The following FGD4 variants were observed in gnomAD, a reference collection of about 807,000 sequenced individuals.
FGD4 encodes FYVE, RhoGEF and PH domain containing 4.
Under a neutral mutation model 102.0 loss-of-function variants are expected in FGD4, and 42 were observed. The ratio of observed to expected loss-of-function variants is 0.41; its 90% CI spans 0.32 to 0.53. The LOEUF is 0.53. Among genes scored for constraint, FGD4 ranks in the 20% least tolerant of loss-of-function variants. The pLI, the probability that FGD4 is intolerant of heterozygous loss-of-function variation, is 0.21. For missense variants in FGD4, 902 were observed against 1,078.2 expected, an observed-to-expected ratio of 0.84 and a Z score of 2.29; for synonymous variants, 380 against 375.7, an observed-to-expected ratio of 1.01 and a Z score of -0.13.
Position 32,645,875 on chromosome 12 carries a change from A to C in FGD4, c.*5342A>C, listed in dbSNP as rs1296312547. The C allele has an allele frequency of 6.6e-6, 1 of 152,152 alleles. No homozygotes were observed. Among genetic ancestry groups the C allele is most frequent in the African/African-American group, 2.4e-5 (1 of 41,426 alleles). 9.4% of individuals were successfully genotyped at this position (152,152 alleles called of 1,614,324 possible). ...TCAAGTGTGAAAGTATACACAAGTA[A>C]TTTTTCTTTTCTAGCTATGTGAATG... On this transcript the variant is annotated 3_prime_UTR_variant, in exon 17 of 17. Coordinates refer to ENST00000534526, the MANE Select transcript of FGD4 (RefSeq NM_001370298.3).
At chr12:32,412,482 A>G (rs1941246799) in intron 1 of FGD4, among the ~76,000 whole-genome samples, 1 of 152,154 alleles carries the variant, frequency 6.6e-6, no homozygotes, top group Non-Finnish European at 1.5e-5. Flanking sequence ...ATTGGAAGTT[A>G]TGAAATTGTT....
intron 1 of FGD4, among the ~76,000 whole-genome samples, chr12:32,541,804 G>T (rs1942856370): frequency 6.6e-6 from 1 of 152,088 alleles, no homozygotes; most frequent in Admixed American, 6.5e-5. Context: ...GAAGAATTTT[G>T]ATCTATATCT....
intron 1 of FGD4, among the ~76,000 whole-genome samples, chr12:32,499,569 A>G (rs763480054): frequency 8.5e-5 from 13 of 152,254 alleles, no homozygotes; most frequent in Admixed American, 2.6e-4. Context: ...TGGAGTGAAC[A>G]TTAAAAAATA....
intron 1 of FGD4, among the ~76,000 whole-genome samples, chr12:32,555,569 CTT>C (rs776546962): frequency 1.6e-4 from 19 of 118,706 alleles, no homozygotes; most frequent in Non-Finnish European, 1.6e-4. Flanking sequence ...GAGACAAGGT[CTT>C]TTTTTTTTTT....
Position 32,480,735 on chromosome 12 carries a change from G to A in FGD4, c.166+80776G>A, listed in dbSNP as rs192620906. Reference sequence around the variant, plus strand: ...AGGATGCTCTTGCTCTCCTGACCTCGTGATCCGCCCTCCTTGGCCCCCCAA... The same window carrying A: ...AGGATGCTCTTGCTCTCCTGACCTCATGATCCGCCCTCCTTGGCCCCCCAA... On this transcript the variant is annotated intron_variant, in intron 1 of 16. Coordinates refer to ENST00000534526, the MANE Select transcript of FGD4 (RefSeq NM_001370298.3). Among the ~76,000 whole-genome samples the A allele has an allele frequency of 2.7e-4, 41 of 150,778 alleles. No individual in the cohort carries two copies. The East Asian group carries it at 5.6e-3, about 20-fold the overall frequency.
chr12:32,622,664 C>T (rs1384080263), intron 11 of FGD4, among the ~76,000 whole-genome samples: 3 of 152,204 alleles, frequency 2.0e-5, no homozygotes, highest in African/African-American at 4.8e-5. Flanking sequence ...ACGATCTTGG[C>T]TCACTGCAAC....
At chr12:32,561,444 G>T (rs1323190505) in intron 1 of FGD4, among the ~76,000 whole-genome samples, 1 of 151,658 alleles carries the variant, frequency 6.6e-6, no homozygotes, top group Admixed American at 6.6e-5. Context: ...AATTTTTTGG[G>T]TTTTTTTTAC....
intron 1 of FGD4, among the ~76,000 whole-genome samples, chr12:32,461,580 C>T (rs1166820098): frequency 2.0e-5 from 3 of 152,086 alleles, no homozygotes; most frequent in African/African-American, 7.2e-5. Flanking sequence ...ACTGAAAGCT[C>T]CCTTAAAGCA....
chr12:32,518,266 C>A (rs973652745), intron 1 of FGD4, among the ~76,000 whole-genome samples: 12 of 152,204 alleles, frequency 7.9e-5, no homozygotes, highest in African/African-American at 2.9e-4. Flanking sequence ...AGGTACTAGA[C>A]CTTGGAGTTC....
chr12:32,453,188 T>A (rs868495626), intron 1 of FGD4, among the ~76,000 whole-genome samples: 551 of 70,138 alleles, frequency 7.9e-3, no homozygotes, highest in South Asian at 0.025. Flanking sequence ...ATATATATAT[T>A]TTATATATAT....
chr12:32,516,395 C>G (rs1434767449), intron 1 of FGD4, among the ~76,000 whole-genome samples: 5 of 152,090 alleles, frequency 3.3e-5, no homozygotes, highest in Non-Finnish European at 7.4e-5. Flanking sequence ...TCTCTTATCT[C>G]AGCCTCCCAG....
intron 4 of FGD4, among the ~76,000 whole-genome samples, chr12:32,588,680 CT>C (rs1947242906): frequency 1.3e-5 from 2 of 152,184 alleles, no homozygotes; most frequent in Admixed American, 1.3e-4. Context: ...AATCAGAAGT[CT>C]TCCCAGCATT....
At chr12:32,584,021 C>A (rs1293175072) in intron 4 of FGD4, among the ~76,000 whole-genome samples, 3 of 152,120 alleles carry the variant, frequency 2.0e-5, no homozygotes, top group African/African-American at 4.8e-5. Context: ...CTTTTTCTTC[C>A]CTTCACATAT....
intron 1 of FGD4, among the ~76,000 whole-genome samples, chr12:32,414,574 C>T (rs961666852): frequency 4.6e-5 from 7 of 152,058 alleles, no homozygotes; most frequent in Non-Finnish European, 7.4e-5. Flanking sequence ...CATTTCCCCT[C>T]CTCCCCAGCT....
intron 1 of FGD4, among the ~76,000 whole-genome samples, chr12:32,520,185 T>G (rs998366248): frequency 6.6e-6 from 1 of 152,156 alleles, no homozygotes; most frequent in Admixed American, 6.5e-5. Flanking sequence ...ATGGCAGTCA[T>G]TGAAACTAAG....
intron 1 of FGD4, among the ~76,000 whole-genome samples, chr12:32,440,668 C>G (rs959864587): frequency 6.6e-6 from 1 of 152,206 alleles, no homozygotes; most frequent in Admixed American, 6.5e-5. Context: ...ATAACTACTT[C>G]CTGGCTGCTG....
chr12:32,622,518 C>G (rs901581316), intron 11 of FGD4, among the ~76,000 whole-genome samples: 1 of 152,204 alleles, frequency 6.6e-6, no homozygotes, highest in Non-Finnish European at 1.5e-5. Flanking sequence ...TTTACCTAAT[C>G]TTATTGCTCT....
chr12:32,613,902 C>T (rs571836609), intron 10 of FGD4, among the ~76,000 whole-genome samples: 1 of 152,284 alleles, frequency 6.6e-6, no homozygotes, highest in African/African-American at 2.4e-5. Context: ...ATGATAAAAT[C>T]ATTGACACTT....
intron 1 of FGD4, among the ~76,000 whole-genome samples, chr12:32,410,007 A>G (rs1274933481): frequency 3.0e-5 from 1 of 33,600 alleles, no homozygotes; most frequent in African/African-American, 1.7e-4. Context: ...CTTGTCTCTC[A>G]AAAAAAAAAA....
Sources: allele counts gnomAD v4.1 joint callset (sites outside exome capture counted in the v4.1 genomes callset), GRCh38; gene constraint gnomAD v4.1.1; transcripts MANE v1.5; gene names NCBI Gene and HGNC (gene_info 2026-07-23, HGNC 2026-07-21).